The following GPC3 variants were observed in gnomAD, a reference collection of about 807,000 sequenced individuals.
GPC3 encodes the protein glypican-3.
GPC3 carries 3 observed loss-of-function variants against 34.4 expected under a neutral mutation model. The ratio of observed to expected loss-of-function variants is 0.09; its 90% CI spans 0.04 to 0.23. GPC3 has a LOEUF of 0.23. GPC3 is among the 10% of genes least tolerant of loss of function. The pLI is 1.00. For missense variants in GPC3, 351 were observed against 445.6 expected (o/e 0.79, Z 1.91); for synonymous variants, 177 against 174.0 (o/e 1.02, Z -0.13).
intron 3 of GPC3, among the ~76,000 whole-genome samples, chrX:133,736,273 T>C (rs903520345): frequency 1.8e-5 from 2 of 112,030 alleles, no homozygotes; most frequent in East Asian, 5.7e-4. Context: ...CTCACATTGT[T>C]GGTGGGAAAG....
chrX:133,777,774 G>A (rs943645191), intron 2 of GPC3, among the ~76,000 whole-genome samples: 1 of 111,095 alleles, frequency 9.0e-6, no homozygotes, highest in African/African-American at 3.3e-5. Context: ...CTAGGCATTG[G>A]TCACAAGAAT....
intron 7 of GPC3, among the ~76,000 whole-genome samples, chrX:133,567,958 TAAAC>T (rs763194799): frequency 8.9e-6 from 1 of 112,311 alleles, no homozygotes; most frequent in East Asian, 2.8e-4. Context: ...TGGCCAAGGA[TAAAC>T]AAACAAACTA....
chrX:133,812,544 G>A (rs1226702254), intron 2 of GPC3, among the ~76,000 whole-genome samples: 1 of 111,924 alleles, frequency 8.9e-6, no homozygotes, highest in Admixed American at 9.5e-5. Context: ...TTGCTGCCTA[G>A]GGCCTTACTC....
chrX:133,885,343 G>A (rs1412524720), intron 2 of GPC3, among the ~76,000 whole-genome samples: 2 of 111,108 alleles, frequency 1.8e-5, no homozygotes, highest in Non-Finnish European at 3.8e-5. Flanking sequence ...AATATTATTT[G>A]GATTTCCCTT....
At chrX:133,588,227 G>A (rs918043224) in intron 7 of GPC3, among the ~76,000 whole-genome samples, 11 of 111,124 alleles carry the variant, frequency 9.9e-5, no homozygotes, top group Non-Finnish European at 1.7e-4. Flanking sequence ...AAAGGAAGGG[G>A]AATTGGGATA....
In GPC3 at chrX:133,746,863, T is replaced by A. The variant is rs183926851; in HGVS notation, c.1032+6619A>T. 5.4e-5 allele frequency among the ~76,000 whole-genome samples: 6 copies of A among 112,131 alleles called. No individual in the cohort carries two copies. The Admixed American group carries it at 5.7e-4, about 11-fold the overall frequency. On this transcript the variant is annotated intron_variant, in intron 3 of 7. Coordinates refer to ENST00000370818, the MANE Select transcript of GPC3 (RefSeq NM_004484.4). ...AGTGATAGCATGAGGAGAAAAACAC[T>A]GACATTCTGACACCTGAGAAATAAC...
At chrX:133,984,008 G>T (rs2076553515) in intron 1 of GPC3, among the ~76,000 whole-genome samples, 1 of 113,155 alleles carries the variant, frequency 8.8e-6, no homozygotes, top group Admixed American at 9.3e-5. Context: ...GGCTGAGGGC[G>T]CGCTGGCTGC....
intron 2 of GPC3, among the ~76,000 whole-genome samples, chrX:133,829,309 A>G (rs938584954): frequency 8.9e-6 from 1 of 112,473 alleles, no homozygotes; most frequent in Non-Finnish European, 1.9e-5. Flanking sequence ...CAGAGCCCCA[A>G]AATACATGAA....
At chrX:133,791,487 G>T (rs775262759) in intron 2 of GPC3, among the ~76,000 whole-genome samples, 11 of 111,864 alleles carry the variant, frequency 9.8e-5, no homozygotes, top group Middle Eastern at 4.6e-3. Context: ...GGGTCTAGCT[G>T]TTTCCTGATA....
intron 3 of GPC3, among the ~76,000 whole-genome samples, chrX:133,744,406 A>T (rs2071592662): frequency 2.7e-5 from 3 of 113,130 alleles, no homozygotes; most frequent in Non-Finnish European, 5.6e-5. Context: ...CAAACATATG[A>T]GAAAAAGCTC....
chrX:133,699,061 C>T (rs1271047974), intron 4 of GPC3, among the ~76,000 whole-genome samples: 5 of 112,000 alleles, frequency 4.5e-5, no homozygotes, highest in African/African-American at 1.6e-4. Flanking sequence ...CAGGCTTTGT[C>T]AGTTTTTCTT....
intron 2 of GPC3, among the ~76,000 whole-genome samples, chrX:133,773,416 G>A (rs1172246452): frequency 8.9e-6 from 1 of 112,235 alleles, no homozygotes; most frequent in Non-Finnish European, 1.9e-5. Flanking sequence ...ACTGAAAATT[G>A]AGAGGGAAAT....
At chrX:133,825,133 G>T (rs1407042044) in intron 2 of GPC3, among the ~76,000 whole-genome samples, 2 of 112,246 alleles carry the variant, frequency 1.8e-5, no homozygotes, top group African/African-American at 3.2e-5. Context: ...AGGATTACAG[G>T]CATGAGCCAC....
At chrX:133,579,348 G>T (rs760678438) in intron 7 of GPC3, among the ~76,000 whole-genome samples, 5 of 111,705 alleles carry the variant, frequency 4.5e-5, no homozygotes, top group Admixed American at 9.5e-5. Context: ...AACTTCTATG[G>T]GCAGGTACTT....
intron 6 of GPC3, among the ~76,000 whole-genome samples, chrX:133,639,162 T>C (rs773234229): frequency 2.1e-4 from 23 of 112,026 alleles, no homozygotes; most frequent in African/African-American, 7.5e-4. Flanking sequence ...CCTTGAGTGA[T>C]CCCCCCTCTG....
intron 1 of GPC3, among the ~76,000 whole-genome samples, chrX:133,973,116 G>A (rs751607824): frequency 3.6e-5 from 4 of 111,323 alleles, no homozygotes; most frequent in African/African-American, 6.5e-5. Flanking sequence ...AGACTGAAGC[G>A]AGTAGGAAGG....
intron 3 of GPC3, among the ~76,000 whole-genome samples, chrX:133,707,563 T>G (rs1241938379): frequency 9.0e-6 from 1 of 110,877 alleles, no homozygotes; most frequent in Non-Finnish European, 1.9e-5. Context: ...TTTAGATGAT[T>G]GATAATGATG....
chrX:133,551,100 C>T (rs989290487), intron 7 of GPC3, among the ~76,000 whole-genome samples: 1 of 110,297 alleles, frequency 9.1e-6, no homozygotes, highest in Non-Finnish European at 1.9e-5. Flanking sequence ...ATACCTTTGA[C>T]CCCTGTCCCA....
intron 2 of GPC3, among the ~76,000 whole-genome samples, chrX:133,914,042 AG>A (rs2076212706): frequency 9.0e-6 from 1 of 110,860 alleles, no homozygotes; most frequent in Non-Finnish European, 1.9e-5. Flanking sequence ...AAAAGCAGAG[AG>A]GTTTTCTAAA....
Sources: allele counts gnomAD v4.1 joint callset (sites outside exome capture counted in the v4.1 genomes callset), GRCh38; gene constraint gnomAD v4.1.1; transcripts MANE v1.5; gene names NCBI Gene and HGNC (gene_info 2026-07-23, HGNC 2026-07-21).